Variants in DNM3 observed in about 807,000 individuals in gnomAD.
DNM3 encodes dynamin-3.
Under a neutral mutation model 101.6 loss-of-function variants are expected in DNM3, and 47 were observed. The ratio of observed to expected loss-of-function variants is 0.46; its 90% CI spans 0.37 to 0.59. The LOEUF (loss-of-function observed/expected upper bound fraction) is 0.59. DNM3 is among the 20% of genes least tolerant of loss of function. The pLI, the probability that DNM3 is intolerant of heterozygous loss-of-function variation, is 0.00. For synonymous variants in DNM3, 385 were observed against 387.9 expected (o/e 0.99, Z 0.09); for missense variants, 849 against 1,085.7 (o/e 0.78, Z 3.06).
At chr1:172,183,767 ATTTTTTT>A (rs376245976) in intron 14 of DNM3, among the ~76,000 whole-genome samples, 5 of 62,656 alleles carry the variant, frequency 8.0e-5, no homozygotes, top group African/African-American at 2.2e-4. Context: ...TGCCCAGCTA[ATTTTTTT>A]TTTTTTTTTT....
intron 2 of DNM3, among the ~76,000 whole-genome samples, chr1:171,939,622 G>T (rs1051148379): frequency 2.6e-5 from 4 of 151,926 alleles, no homozygotes; most frequent in African/African-American, 9.7e-5. Flanking sequence ...TTCCCATTTA[G>T]AAAAAATAGG....
At chr1:172,264,121 G>GAT (rs1367218511) in intron 15 of DNM3, among the ~76,000 whole-genome samples, 1 of 152,170 alleles carries the variant, frequency 6.6e-6, no homozygotes, top group Non-Finnish European at 1.5e-5. Context: ...GGCATGAATT[G>GAT]ATGTAGAGGA....
chr1:172,028,603 C>G (rs776476776), intron 4 of DNM3, among the ~76,000 whole-genome samples: 1 of 151,950 alleles, frequency 6.6e-6, no homozygotes, highest in Non-Finnish European at 1.5e-5. Flanking sequence ...CACGAAAACC[C>G]CTTCAAAAAA....
At chr1:172,328,412 G>A (rs2066030389) in intron 17 of DNM3, among the ~76,000 whole-genome samples, 1 of 152,056 alleles carries the variant, frequency 6.6e-6, no homozygotes, top group African/African-American at 2.4e-5. Context: ...ATGAAAATGT[G>A]GCACATATAC....
chr1:172,043,865 C>T (rs1286897964), intron 8 of DNM3, among the ~76,000 whole-genome samples: 1 of 152,104 alleles, frequency 6.6e-6, no homozygotes, highest in Non-Finnish European at 1.5e-5. Flanking sequence ...TGGTACCTAG[C>T]GCTTCTGAGA....
rs1021079801 is a variant in DNM3 at position 172,381,580 on chromosome 1, G to T, written c.2058+2398G>T. ...TTATTAATGTAGTCATATTGTCGTG[G>T]CATCTTATTGTACAGAATGCCCAAG... is the stretch of plus-strand genomic sequence containing the variant. On this transcript the variant is annotated intron_variant, in intron 18 of 20. Transcript: ENST00000627582. Among the ~76,000 whole-genome samples the T allele has an allele frequency of 3.1e-4, 47 of 151,492 alleles. 1 individual carries two copies. The highest frequency in any genetic ancestry group is 3.3e-4 in the Admixed American group (5 of 15,184).
At chr1:172,107,731 G>A (rs1372677816) in intron 13 of DNM3, among the ~76,000 whole-genome samples, 1 of 152,088 alleles carries the variant, frequency 6.6e-6, no homozygotes, top group Non-Finnish European at 1.5e-5. Flanking sequence ...GTGCTCTTTT[G>A]TTATTTTTGT....
intron 12 of DNM3, among the ~76,000 whole-genome samples, chr1:172,087,457 A>G (rs2053610317): frequency 6.6e-6 from 1 of 152,176 alleles, no homozygotes; most frequent in Admixed American, 6.5e-5. Context: ...TCAGATGTCT[A>G]TTGGACATCT....
At chr1:172,270,014 G>A (rs2063021253) in intron 15 of DNM3, among the ~76,000 whole-genome samples, 1 of 151,994 alleles carries the variant, frequency 6.6e-6, no homozygotes, top group Admixed American at 6.6e-5. Context: ...ATTGACTATT[G>A]GAATAATCAG....
chr1:172,119,192 A>G (rs562119178), intron 13 of DNM3, among the ~76,000 whole-genome samples: 13 of 151,986 alleles, frequency 8.6e-5, no homozygotes, highest in African/African-American at 2.7e-4. Context: ...GGGTTTATCC[A>G]TATTGGTGAG....
chr1:172,397,916 T>A (rs2070148562), intron 20 of DNM3, among the ~76,000 whole-genome samples: 1 of 152,186 alleles, frequency 6.6e-6, no homozygotes, highest in Admixed American at 6.5e-5. Context: ...TCTCCCTTCC[T>A]GCAGAAAAAT....
chr1:172,051,222 T>C (rs1335677891), intron 10 of DNM3, among the ~76,000 whole-genome samples: 1 of 152,156 alleles, frequency 6.6e-6, no homozygotes, highest in Non-Finnish European at 1.5e-5. Context: ...TTTTGTGGCT[T>C]CCAAAGATTA....
chr1:172,339,539 G>A (rs926993190), intron 17 of DNM3, among the ~76,000 whole-genome samples: 3 of 152,176 alleles, frequency 2.0e-5, no homozygotes, highest in Non-Finnish European at 4.4e-5. Flanking sequence ...ACCCAGAGGT[G>A]TAACAAACAC....
intron 20 of DNM3, among the ~76,000 whole-genome samples, chr1:172,405,634 C>T (rs1192327591): frequency 6.6e-6 from 1 of 151,958 alleles, no homozygotes; most frequent in Non-Finnish European, 1.5e-5. Flanking sequence ...AATGAAATCA[C>T]CTAATTAATT....
intron 1 of DNM3, among the ~76,000 whole-genome samples, chr1:171,899,420 C>T (rs1332233686): frequency 6.6e-6 from 1 of 152,126 alleles, no homozygotes; most frequent in Non-Finnish European, 1.5e-5. Context: ...ATTATCCTTT[C>T]CTCCATGCTT....
intron 11 of DNM3, among the ~76,000 whole-genome samples, chr1:172,071,189 G>A (rs372876663): frequency 1.4e-5 from 2 of 147,726 alleles, no homozygotes; most frequent in East Asian, 2.0e-4. Flanking sequence ...TGGTAGATTC[G>A]AGGAAGAATT....
At chr1:172,126,358 TC>T (rs1248031004) in intron 13 of DNM3, among the ~76,000 whole-genome samples, 1 of 152,184 alleles carries the variant, frequency 6.6e-6, no homozygotes, top group East Asian at 1.9e-4. Context: ...ATCTTCTTTT[TC>T]CCTTCAAATT....
chr1:172,071,630 G>GA (rs138206327), intron 11 of DNM3, among the ~76,000 whole-genome samples: 10,336 of 151,180 alleles, frequency 0.068, 694 homozygotes, highest in East Asian at 0.17. Flanking sequence ...AGCTTTGTGG[G>GA]AAAAAAAAAT....
At chr1:172,333,528 A>T (rs1226263541) in intron 17 of DNM3, among the ~76,000 whole-genome samples, 1 of 152,224 alleles carries the variant, frequency 6.6e-6, no homozygotes, top group Admixed American at 6.5e-5. Context: ...AGAAACTATA[A>T]GCAAAGAGAA....
Sources: allele counts gnomAD v4.1 joint callset (sites outside exome capture counted in the v4.1 genomes callset), GRCh38; gene constraint gnomAD v4.1.1; transcripts MANE v1.5; gene names NCBI Gene and HGNC (gene_info 2026-07-23, HGNC 2026-07-21).